B3GALT1: variants seen among roughly 807,000 people sequenced by gnomAD.
B3GALT1 encodes the protein beta-1,3-galactosyltransferase 1, also known as UDP-Gal:betaGlcNAc beta 1,3-galactosyltransferase, polypeptide 1.
In B3GALT1, 10 loss-of-function variants were observed where a neutral mutation model predicts 23.2. The ratio of observed to expected loss-of-function variants is 0.43; its 90% CI spans 0.27 to 0.73. The LOEUF is 0.73. B3GALT1 is among the 30% of genes least tolerant of loss of function. The pLI is 0.21. For missense variants in B3GALT1, 299 were observed against 405.4 expected, an observed-to-expected ratio of 0.74 and a Z score of 2.25; for synonymous variants, 156 against 141.5, an observed-to-expected ratio of 1.10 and a Z score of -0.73.
intron 3 of B3GALT1, among the ~76,000 whole-genome samples, chr2:167,676,697 G>A (rs968608981): frequency 5.3e-5 from 8 of 152,038 alleles, no homozygotes; most frequent in African/African-American, 1.9e-4. Context: ...AAGTAGCAAG[G>A]ATTACAGGCG....
intron 4 of B3GALT1, among the ~76,000 whole-genome samples, chr2:167,822,350 T>C (rs1229204475): frequency 6.6e-6 from 1 of 152,218 alleles, no homozygotes; most frequent in Non-Finnish European, 1.5e-5. Flanking sequence ...CTTTGCTAAC[T>C]GTGCATCCTC....
rs1302360136 is a variant in B3GALT1 at position 167,521,630 on chromosome 2, C to T, written c.-410+31353C>T. On this transcript the variant is annotated intron_variant, in intron 2 of 4. Transcript: ENST00000392690. ...TAAAATGTTTGAATGTGTACAAGTC[C>T]TTTGTCATAAATTGCCAAATTTCTT... is the stretch of plus-strand genomic sequence containing the variant. Among the ~76,000 whole-genome samples, 3 of 151,934 alleles carry T rather than the reference C, an allele frequency of 2.0e-5. No individual in the cohort carries two copies. In the East Asian group the frequency reaches 5.8e-4, roughly 30 times the overall value.
At chr2:167,798,434 T>C (rs552484705) in intron 3 of B3GALT1, among the ~76,000 whole-genome samples, 1 of 152,324 alleles carries the variant, frequency 6.6e-6, no homozygotes, top group South Asian at 2.1e-4. Flanking sequence ...CCTTTAAGTC[T>C]TTAATCCATC....
At chr2:167,312,339 G>A (rs1241786088) in intron 1 of B3GALT1, among the ~76,000 whole-genome samples, 2 of 152,070 alleles carry the variant, frequency 1.3e-5, no homozygotes, top group African/African-American at 4.8e-5. Context: ...GAATCAAGGG[G>A]AAATTAAGTG....
intron 2 of B3GALT1, among the ~76,000 whole-genome samples, chr2:167,600,447 T>A (rs1684854104): frequency 6.6e-6 from 1 of 152,166 alleles, no homozygotes; most frequent in Non-Finnish European, 1.5e-5. Context: ...GTTCACCGAG[T>A]TGTACAACCA....
At chr2:167,637,272 A>G (rs1201767868) in intron 2 of B3GALT1, among the ~76,000 whole-genome samples, 2 of 152,002 alleles carry the variant, frequency 1.3e-5, no homozygotes, top group South Asian at 2.1e-4. Context: ...AGACTAAAAC[A>G]TCATGGGGAT....
intron 3 of B3GALT1, among the ~76,000 whole-genome samples, chr2:167,777,920 A>G (rs1161165343): frequency 6.6e-6 from 1 of 151,910 alleles, no homozygotes; most frequent in Non-Finnish European, 1.5e-5. Context: ...CACATCCAAC[A>G]GGAAGCATGG....
chr2:167,596,508 C>T (rs1436219207), intron 2 of B3GALT1, among the ~76,000 whole-genome samples: 13 of 152,172 alleles, frequency 8.5e-5, no homozygotes, highest in African/African-American at 3.1e-4. Context: ...TATTCCTACA[C>T]ACTTTAAGGA....
At chr2:167,488,029 C>T (rs1196542662) in intron 1 of B3GALT1, among the ~76,000 whole-genome samples, 1 of 151,842 alleles carries the variant, frequency 6.6e-6, no homozygotes, top group Non-Finnish European at 1.5e-5. Context: ...ACATAGACGA[C>T]CTAAATTCTG....
chr2:167,389,371 A>G (rs1252550967), intron 1 of B3GALT1, among the ~76,000 whole-genome samples: 4 of 152,202 alleles, frequency 2.6e-5, no homozygotes, highest in African/African-American at 9.6e-5. Context: ...AATTGGGCCC[A>G]GGTGATTATT....
chr2:167,302,033 A>T (rs1383415385), intron 1 of B3GALT1, among the ~76,000 whole-genome samples: 1 of 152,204 alleles, frequency 6.6e-6, no homozygotes, highest in Non-Finnish European at 1.5e-5. Context: ...AGACATTTGT[A>T]GTAGTGTGAT....
chr2:167,825,478 T>C (rs1223149926), intron 4 of B3GALT1, among the ~76,000 whole-genome samples: 1 of 144,822 alleles, frequency 6.9e-6, no homozygotes, highest in Non-Finnish European at 1.5e-5. Context: ...GTGTGTGTGT[T>C]ATATATAAAT....
chr2:167,337,046 G>C (rs748021057), intron 1 of B3GALT1, among the ~76,000 whole-genome samples: 8 of 152,136 alleles, frequency 5.3e-5, no homozygotes, highest in Non-Finnish European at 8.8e-5. Context: ...CTTCCATGGA[G>C]GGGGTCAGGG....
chr2:167,769,512 A>C (rs532370414), intron 3 of B3GALT1, among the ~76,000 whole-genome samples: 2 of 152,158 alleles, frequency 1.3e-5, no homozygotes, highest in Admixed American at 1.3e-4. Flanking sequence ...ATTAAACTAC[A>C]GAATAGTTCT....
At chr2:167,863,546 C>A (rs79040522) in intron 4 of B3GALT1, among the ~76,000 whole-genome samples, 9,970 of 152,276 alleles carry the variant, frequency 0.065, 436 homozygotes, top group Non-Finnish European at 0.094. Context: ...AAAATCCACA[C>A]CACAAGTCAG....
intron 2 of B3GALT1, among the ~76,000 whole-genome samples, chr2:167,646,126 G>A (rs1685745243): frequency 6.6e-6 from 1 of 152,120 alleles, no homozygotes; most frequent in Non-Finnish European, 1.5e-5. Flanking sequence ...GGCATCTGAG[G>A]TTTGGTGCGA....
chr2:167,681,544 T>C (rs987216361), intron 3 of B3GALT1, among the ~76,000 whole-genome samples: 1 of 152,218 alleles, frequency 6.6e-6, no homozygotes, highest in Non-Finnish European at 1.5e-5. Flanking sequence ...ACCTTTCGTT[T>C]GGATTTTCCA....
intron 4 of B3GALT1, among the ~76,000 whole-genome samples, chr2:167,822,236 T>G (rs1246216544): frequency 1.3e-5 from 2 of 152,044 alleles, no homozygotes; most frequent in African/African-American, 4.8e-5. Flanking sequence ...AATTTAAGAG[T>G]TCTCTAAAAA....
chr2:167,394,384 C>T (rs1255182307), intron 1 of B3GALT1, among the ~76,000 whole-genome samples: 1 of 152,152 alleles, frequency 6.6e-6, no homozygotes, highest in Non-Finnish European at 1.5e-5. Flanking sequence ...AGAAACAAAA[C>T]TGTCCTAACC....
Sources: allele counts gnomAD v4.1 joint callset (sites outside exome capture counted in the v4.1 genomes callset), GRCh38; gene constraint gnomAD v4.1.1; transcripts MANE v1.5; gene names NCBI Gene and HGNC (gene_info 2026-07-23, HGNC 2026-07-21).